Variants in ARHGAP15 observed in about 807,000 individuals in gnomAD.
ARHGAP15 encodes Rho GTPase activating protein 15.
In ARHGAP15, 51 loss-of-function variants were observed where a neutral mutation model predicts 63.7. The ratio of observed to expected loss-of-function variants is 0.80; its 90% CI spans 0.64 to 1.01. The LOEUF (loss-of-function observed/expected upper bound fraction) is 1.01. Among genes scored for constraint, ARHGAP15 ranks in the 50% least tolerant of loss-of-function variants. ARHGAP15 has a pLI of 0.00. For missense variants in ARHGAP15, 560 were observed against 564.6 expected (o/e 0.99, Z 0.08); for synonymous variants, 191 against 193.8 (o/e 0.99, Z 0.12).
At chr2:143,754,016 G>T (rs1334536474) in intron 13 of ARHGAP15, among the ~76,000 whole-genome samples, 2 of 152,148 alleles carry the variant, frequency 1.3e-5, no homozygotes, top group Admixed American at 1.3e-4. Context: ...TGAAATTTAG[G>T]TGTGCAGGAA....
intron 6 of ARHGAP15, among the ~76,000 whole-genome samples, chr2:143,252,135 A>G (rs1041221020): frequency 1.3e-5 from 2 of 152,076 alleles, no homozygotes; most frequent in Non-Finnish European, 2.9e-5. Flanking sequence ...GAGATGGGCT[A>G]AGCCAGCCTT....
At chr2:143,666,535 A>G (rs1455649444) in intron 12 of ARHGAP15, among the ~76,000 whole-genome samples, 2 of 143,936 alleles carry the variant, frequency 1.4e-5, no homozygotes, top group East Asian at 4.0e-4. Context: ...CAAAACACCA[A>G]AAGCAATGGC....
intron 11 of ARHGAP15, among the ~76,000 whole-genome samples, chr2:143,566,824 C>T (rs1298442276): frequency 6.6e-6 from 1 of 152,084 alleles, no homozygotes; most frequent in African/African-American, 2.4e-5. Context: ...CCCACCCAGC[C>T]ACTACCTTTC....
At chr2:143,465,208 C>G (rs1691142343) in intron 8 of ARHGAP15, among the ~76,000 whole-genome samples, 1 of 152,058 alleles carries the variant, frequency 6.6e-6, no homozygotes, top group South Asian at 2.1e-4. Context: ...GCCAAAGGCT[C>G]TAAGATGAAC....
chr2:143,341,014 T>C (rs1685034229), intron 6 of ARHGAP15, among the ~76,000 whole-genome samples: 1 of 110,170 alleles, frequency 9.1e-6, no homozygotes, highest in African/African-American at 2.7e-5. Context: ...TTTGGGAGTA[T>C]TTATTCATTC....
chr2:143,315,347 A>T (rs1055337265), intron 6 of ARHGAP15, among the ~76,000 whole-genome samples: 2 of 152,292 alleles, frequency 1.3e-5, no homozygotes, highest in East Asian at 3.9e-4. Flanking sequence ...CATTTAAAAA[A>T]TTTAATTTTC....
At chr2:143,633,813 G>C (rs1680168711) in intron 12 of ARHGAP15, among the ~76,000 whole-genome samples, 1 of 152,050 alleles carries the variant, frequency 6.6e-6, no homozygotes, top group South Asian at 2.1e-4. Context: ...AGGTTGGGAG[G>C]CCTTCTATCC....
intron 6 of ARHGAP15, among the ~76,000 whole-genome samples, chr2:143,368,621 A>C (rs1480451901): frequency 6.6e-6 from 1 of 152,056 alleles, no homozygotes; most frequent in Non-Finnish European, 1.5e-5. Context: ...TATCAATGAG[A>C]CAGAATGAGG....
In ARHGAP15 at chr2:143,250,710, G is replaced by A. The variant is rs536840806; in HGVS notation, c.474+110G>A. 1.0e-4 allele frequency: 86 copies of A among 824,062 alleles called. No individual in the cohort carries two copies. The Middle Eastern group carries it at 1.8e-3, about 18-fold the overall frequency. The allele number at this position is 824,062 out of a possible 1,614,324, so 51.0% of individuals were successfully genotyped here. The stretch of plus-strand genomic sequence containing the variant: ...GTGATGTGCTCATGTACATGAACTC[G>A]TTGTCTGAAGGTCATGAAAGGCGAC... On this transcript the variant is annotated intron_variant, in intron 6 of 13. Coordinates refer to ENST00000295095, the MANE Select transcript of ARHGAP15 (RefSeq NM_018460.4).
chr2:143,469,053 A>G (rs1300005814), intron 8 of ARHGAP15, among the ~76,000 whole-genome samples: 1 of 152,140 alleles, frequency 6.6e-6, no homozygotes, highest in African/African-American at 2.4e-5. Flanking sequence ...TTACTTTGCC[A>G]TGAGTTTTCA....
At chr2:143,470,608 T>C (rs1691473506) in intron 8 of ARHGAP15, among the ~76,000 whole-genome samples, 1 of 150,256 alleles carries the variant, frequency 6.7e-6, no homozygotes, top group African/African-American at 2.4e-5. Context: ...TGTGTGTGTA[T>C]ATATGTGTAT....
intron 12 of ARHGAP15, among the ~76,000 whole-genome samples, chr2:143,669,504 A>G (rs552139060): frequency 1.3e-5 from 2 of 152,338 alleles, no homozygotes; most frequent in East Asian, 3.9e-4. Flanking sequence ...CCTTTGAAGG[A>G]CAGCCACAAG....
intron 12 of ARHGAP15, among the ~76,000 whole-genome samples, chr2:143,685,084 T>G (rs943882194): frequency 6.6e-6 from 1 of 152,216 alleles, no homozygotes; most frequent in African/African-American, 2.4e-5. Flanking sequence ...AAGCTACCTG[T>G]TTCTGTTGTT....
At chr2:143,751,197 G>A (rs1462980858) in intron 13 of ARHGAP15, among the ~76,000 whole-genome samples, 2 of 152,210 alleles carry the variant, frequency 1.3e-5, no homozygotes, top group Non-Finnish European at 2.9e-5. Context: ...AAGGTCTGGG[G>A]CATCCAGGGC....
chr2:143,744,471 G>A (rs1158465188), intron 13 of ARHGAP15, among the ~76,000 whole-genome samples: 3 of 152,150 alleles, frequency 2.0e-5, no homozygotes, highest in African/African-American at 7.2e-5. Flanking sequence ...TTCAACAAGG[G>A]ATTTTTTTAA....
At chr2:143,668,093 G>C (rs1021180707) in intron 12 of ARHGAP15, among the ~76,000 whole-genome samples, 1 of 151,958 alleles carries the variant, frequency 6.6e-6, no homozygotes, top group African/African-American at 2.4e-5. Context: ...ATGTTTTGTA[G>C]ATTTAGTAAT....
At chr2:143,565,600 A>G (rs1559053728) in intron 11 of ARHGAP15, among the ~76,000 whole-genome samples, 1 of 152,216 alleles carries the variant, frequency 6.6e-6, no homozygotes, top group Non-Finnish European at 1.5e-5. Flanking sequence ...CCAGATGCCT[A>G]TAAGTTAGCA....
chr2:143,659,762 T>C (rs1681653705), intron 12 of ARHGAP15, among the ~76,000 whole-genome samples: 1 of 152,220 alleles, frequency 6.6e-6, no homozygotes, highest in African/African-American at 2.4e-5. Flanking sequence ...TTCTAGTCTA[T>C]TTATCAGCTT....
intron 11 of ARHGAP15, among the ~76,000 whole-genome samples, chr2:143,603,486 ATTG>A (rs1697857802): frequency 6.6e-6 from 1 of 151,970 alleles, no homozygotes; most frequent in African/African-American, 2.4e-5. Flanking sequence ...TGCTTTTTGT[ATTG>A]TTGTTTGACT....
Sources: gnomAD v4.1 joint callset for allele counts (sites outside exome capture counted in the v4.1 genomes callset) on GRCh38, gnomAD v4.1.1 for gene constraint, MANE v1.5 for transcripts, NCBI Gene and HGNC (gene_info 2026-07-23, HGNC 2026-07-21) for gene names.